The following MYH11 variants were observed in gnomAD, a reference collection of about 807,000 sequenced individuals.
MYH11 encodes the protein myosin-11.
A neutral mutation model predicts 246.6 loss-of-function variants in MYH11; 80 were observed. The ratio of observed to expected loss-of-function variants is 0.32; its 90% CI spans 0.27 to 0.39. The LOEUF (loss-of-function observed/expected upper bound fraction) is 0.39, where lower values mean the gene tolerates loss of function less well. Ranked by LOEUF, MYH11 falls within the 10% of genes least tolerant of loss-of-function variation. The pLI, the probability that MYH11 is intolerant of heterozygous loss-of-function variation, is 1.00. For synonymous variants in MYH11, 1,071 were observed against 1,015.5 expected (o/e 1.05, Z -1.04); for missense variants, 2,158 against 2,546.8 (o/e 0.85, Z 3.29).
intron 2 of MYH11, among the ~76,000 whole-genome samples, chr16:15,833,415 G>GGAAC (rs1318097512): frequency 0.12 from 17,627 of 147,002 alleles, 1,210 homozygotes; most frequent in Non-Finnish European, 0.15. Context: ...AAGGAAGGGA[G>GGAAC]GAACGAACTA....
chr16:15,799,423 C>T (rs2042829708), intron 3 of MYH11, among the ~76,000 whole-genome samples: 1 of 152,204 alleles, frequency 6.6e-6, no homozygotes, highest in East Asian at 1.9e-4. Context: ...TTTACCTAGC[C>T]TGATTCCTAG....
intron 9 of MYH11, among the ~76,000 whole-genome samples, chr16:15,770,669 C>T (rs1318022754): frequency 6.6e-6 from 1 of 152,132 alleles, no homozygotes; most frequent in Non-Finnish European, 1.5e-5. Flanking sequence ...CCTTCAGCTC[C>T]AAGAATCCAT....
intron 3 of MYH11, among the ~76,000 whole-genome samples, chr16:15,811,971 G>T (rs1382932363): frequency 1.3e-5 from 2 of 152,116 alleles, no homozygotes; most frequent in African/African-American, 4.8e-5. Context: ...CCCATGGAGG[G>T]GCTCCAAAGT....
chr16:15,764,951 C>T (rs2041949403), intron 9 of MYH11, among the ~76,000 whole-genome samples: 1 of 152,198 alleles, frequency 6.6e-6, no homozygotes, highest in South Asian at 2.1e-4. Flanking sequence ...TCCCAGAATA[C>T]TTGGAACCTT....
chr16:15,837,593 T>C (rs2043932887), intron 2 of MYH11, among the ~76,000 whole-genome samples: 2 of 149,256 alleles, frequency 1.3e-5, no homozygotes, highest in Admixed American at 6.8e-5. Flanking sequence ...TGGAGTGCAG[T>C]GGTACAGTCT....
At chr16:15,809,368 C>CA (rs1288778300) in intron 3 of MYH11, among the ~76,000 whole-genome samples, 1 of 151,424 alleles carries the variant, frequency 6.6e-6, no homozygotes, top group Non-Finnish European at 1.5e-5. Context: ...CTCATCTCTA[C>CA]AAAAAATCAA....
chr16:15,719,693 T>C lies in MYH11; in HGVS notation c.4974A>G (p.Gln1658=), dbSNP rs762733113. 51 of 1,614,080 alleles carry C rather than the reference T, an allele frequency of 3.2e-5. No individual in the cohort carries two copies. In the Admixed American group the frequency reaches 6.3e-4, roughly 20 times the overall value. ...AGGCACGGGCATCTTCCAGCTCTCT[T>C]TGAAAGTCCTTCATCTGAGCCTGCA... ...RKLQAQMKDF[Q]RELEDARASR... is the part of the protein sequence containing the mutation. Residue 1658 remains glutamine (Q), a synonymous_variant, in exon 35 of 41, where the codon CAA becomes CAG. Coordinates refer to ENST00000300036, the MANE Select transcript of MYH11 (RefSeq NM_002474.3).
At chr16:15,740,336 G>A (rs1379255788) in intron 22 of MYH11, 148 bp from the exon 23 acceptor site, 2 of 1,261,000 alleles carry the variant, frequency 1.6e-6, no homozygotes, top group South Asian at 1.3e-5. Context: ...GCCTGAGCGT[G>A]GTGGCTCACA....
intron 2 of MYH11, 120 bp from the exon 3 acceptor site, chr16:15,823,531 C>A (rs2043474043): frequency 7.9e-7 from 1 of 1,258,366 alleles, no homozygotes; most frequent in Non-Finnish European, 1.2e-6. Flanking sequence ...TTAGTGGAAA[C>A]CCTGGGCCTC....
In MYH11 at chr16:15,742,254, G is replaced by A. The variant is rs2041295653; in HGVS notation, c.2521-363C>T. 1.4e-5 allele frequency: 5 copies of A among 345,802 alleles called. No individual in the cohort carries two copies. In the South Asian group the frequency reaches 1.5e-4, roughly 11 times the overall value. The allele number at this position is 345,802 out of a possible 1,614,324, so 21.4% of individuals were successfully genotyped here. On this transcript the variant is annotated intron_variant, in intron 20 of 40. Coordinates refer to ENST00000300036, the MANE Select transcript of MYH11 (RefSeq NM_002474.3). The stretch of plus-strand genomic sequence containing the variant: ...TCCCCACTTTAGAACCATCCCAACA[G>A]AGAACTACTGCTGAAAAGTGATATT...
rs1405262303 is a variant in MYH11, at chr16:15,714,333, A to G, written c.5786+576T>C. On this transcript the variant is annotated intron_variant, in intron 40 of 40. Coordinates refer to ENST00000300036, the MANE Select transcript of MYH11 (RefSeq NM_002474.3). ...CTAGAGGACTTCTGGCAACATCTAG[A>G]GACATTTTTGGTTGTCACATTGCAG... 7 of 164,184 alleles carry G rather than the reference A, an allele frequency of 4.3e-5. No homozygotes were observed. In the East Asian group the frequency reaches 1.2e-3, roughly 28 times the overall value. The allele number at this position is 164,184 out of a possible 1,614,324, so 10.2% of individuals were successfully genotyped here. A position where few individuals can be genotyped will look rare whatever the true frequency, so the allele number is the denominator to read the frequency against.
At chr16:15,812,692 G>C (rs2043168278) in intron 3 of MYH11, among the ~76,000 whole-genome samples, 2 of 151,688 alleles carry the variant, frequency 1.3e-5, no homozygotes, top group Admixed American at 1.3e-4. Context: ...GGGCAACATG[G>C]TGAAATCCCG....
intron 40 of MYH11, among the ~76,000 whole-genome samples, chr16:15,709,504 G>A (rs1394540276): frequency 1.3e-5 from 2 of 151,982 alleles, no homozygotes; most frequent in South Asian, 2.1e-4. Context: ...TAGTAGAGAC[G>A]GAGTTTCACC....
chr16:15,718,291 CTG>C (rs2040276011), intron 37 of MYH11, 22 bp downstream of exon 37: 5 of 1,607,202 alleles, frequency 3.1e-6, no homozygotes, highest in African/African-American at 1.3e-5. Flanking sequence ...GGCAGCGTGA[CTG>C]TGGTGTCCAG....
chr16:15,782,248 C>T, intron 6 of MYH11, 137 bp downstream of exon 6: 4 of 741,308 alleles, frequency 5.4e-6, no homozygotes, highest in Non-Finnish European at 9.7e-6. Flanking sequence ...GGCAGGAGCC[C>T]TTGCAAGATT....
At chr16:15,707,247 G>T (rs143562575) in intron 40 of MYH11, among the ~76,000 whole-genome samples, 3,853 of 152,246 alleles carry the variant, frequency 0.025, 73 homozygotes, top group Non-Finnish European at 0.041. Flanking sequence ...ATGTTGGCCA[G>T]GCTGGTCCTG....
chr16:15,715,258 G>T lies in MYH11; in HGVS notation c.5519C>A (p.Ala1840Asp). ...VEQEAREKQA[A>D]TKSLKQKDKK... is the part of the protein sequence containing the mutation. ...GTCTTTCTGCTTCAGCGACTTGGTG[G>T]CCGCCTGTTTCTCTCTGCAAACAGC... The change falls in exon 39 of 41, where the codon GCC becomes GAC. Residue 1840 changes from alanine (A) to aspartate (D), a missense_variant. Transcript: ENST00000300036. 6.2e-7 allele frequency: 1 copy of T among 1,614,042 alleles called. No individual in the cohort carries two copies. The highest frequency in any genetic ancestry group is 8.5e-7 in the Non-Finnish European group (1 of 1,180,028).
At chr16:15,826,934 T>C (rs956018012) in intron 2 of MYH11, among the ~76,000 whole-genome samples, 1 of 136,378 alleles carries the variant, frequency 7.3e-6, no homozygotes, top group Non-Finnish European at 1.5e-5. Context: ...TGGAGGGAGG[T>C]TGTAGTGAGC....
rs143961829 is a variant in MYH11, at chr16:15,808,158, C to G, written c.503-9471G>C. On this transcript the variant is annotated intron_variant, in intron 3 of 40. Coordinates refer to ENST00000300036, the MANE Select transcript of MYH11 (RefSeq NM_002474.3). ...GTGGCTCTCTACCTAATGCCCCGCA[C>G]GGAGGCAGATGCCAGAGGTTCTGGA... is the stretch of plus-strand genomic sequence containing the variant. 4.3e-3 allele frequency among the ~76,000 whole-genome samples: 650 copies of G among 152,370 alleles called. 3 individuals are homozygous for G. The highest frequency in any genetic ancestry group is 7.6e-3 in the Non-Finnish European group (520 of 68,038).
Sources: allele counts gnomAD v4.1 joint callset (sites outside exome capture counted in the v4.1 genomes callset), GRCh38; gene constraint gnomAD v4.1.1; transcripts MANE v1.5; gene names NCBI Gene and HGNC (gene_info 2026-07-23, HGNC 2026-07-21).